Variants in AGBL4 observed in about 807,000 individuals in gnomAD.
AGBL4 encodes the protein cytosolic carboxypeptidase 6.
AGBL4 carries 58 observed loss-of-function variants against 66.4 expected under a neutral mutation model. That is an observed-to-expected ratio of 0.87 (90% CI 0.71 to 1.09). The LOEUF (loss-of-function observed/expected upper bound fraction) is 1.09, where lower values mean the gene tolerates loss of function less well. AGBL4 is among the 50% of genes least tolerant of loss of function. The probability of loss-of-function intolerance (pLI) is 0.00; values close to 1 mark genes in which losing one functional copy is unlikely to be tolerated. For synonymous variants in AGBL4, 234 were observed against 222.9 expected, an observed-to-expected ratio of 1.05 and a Z score of -0.44; for missense variants, 579 against 631.0, an observed-to-expected ratio of 0.92 and a Z score of 0.88.
At chr1:49,305,931 C>G (rs1644841878) in intron 3 of AGBL4, among the ~76,000 whole-genome samples, 1 of 152,154 alleles carries the variant, frequency 6.6e-6, no homozygotes, top group South Asian at 2.1e-4. Context: ...CTCAGGTGAT[C>G]CGCCCACCTT....
intron 7 of AGBL4, among the ~76,000 whole-genome samples, chr1:48,657,535 T>C (rs1646039572): frequency 6.6e-6 from 1 of 152,168 alleles, no homozygotes; most frequent in African/African-American, 2.4e-5. Flanking sequence ...GGTGCAGGCA[T>C]AGCAGAGAGA....
chr1:49,864,842 G>A (rs1646663046), intron 1 of AGBL4, among the ~76,000 whole-genome samples: 1 of 152,268 alleles, frequency 6.6e-6, no homozygotes, highest in Admixed American at 6.5e-5. Context: ...GCTGCCTGCT[G>A]CCTAGGATGA....
At chr1:49,593,858 G>GA (rs1644801165) in intron 3 of AGBL4, among the ~76,000 whole-genome samples, 1 of 151,688 alleles carries the variant, frequency 6.6e-6, no homozygotes, top group Non-Finnish European at 1.5e-5. Context: ...CATGTTCGGT[G>GA]AAAAAAAGCA....
intron 4 of AGBL4, 92 bp downstream of exon 4, chr1:49,245,678 T>A: frequency 2.4e-6 from 2 of 838,410 alleles, no homozygotes; most frequent in Admixed American, 2.9e-5. Context: ...ATTTTTAATT[T>A]TTTTTGGGGG....
intron 3 of AGBL4, among the ~76,000 whole-genome samples, chr1:49,270,594 C>G (rs1357406260): frequency 6.6e-6 from 1 of 152,138 alleles, no homozygotes; most frequent in Admixed American, 6.6e-5. Context: ...CTGTCTGTGA[C>G]AAGATCCTTT....
intron 1 of AGBL4, among the ~76,000 whole-genome samples, chr1:49,904,834 A>C (rs140591683): frequency 2.0e-4 from 31 of 152,336 alleles, no homozygotes; most frequent in African/African-American, 5.5e-4. Context: ...GGCAGAAGAC[A>C]AGCATGGCTG....
intron 2 of AGBL4, among the ~76,000 whole-genome samples, chr1:49,736,211 G>A (rs1649879188): frequency 6.6e-6 from 1 of 151,806 alleles, no homozygotes; most frequent in South Asian, 2.1e-4. Context: ...AATAAACTTA[G>A]AGATCCTTAG....
intron 2 of AGBL4, chr1:49,842,297 T>C: frequency 2.1e-6 from 1 of 477,508 alleles, no homozygotes; most frequent in African/African-American, 2.1e-5. Flanking sequence ...TGTAGGACAT[T>C]GGTTACCAAA....
chr1:48,739,207 G>A (rs1649532455), intron 6 of AGBL4, among the ~76,000 whole-genome samples: 3 of 152,204 alleles, frequency 2.0e-5, no homozygotes, highest in Non-Finnish European at 4.4e-5. Context: ...CCACCGACTG[G>A]CCTTTGCCTC....
At chr1:48,813,470 T>C (rs1237222786) in intron 6 of AGBL4, among the ~76,000 whole-genome samples, 1 of 152,100 alleles carries the variant, frequency 6.6e-6, no homozygotes, top group African/African-American at 2.4e-5. Flanking sequence ...GGACTCTTGG[T>C]TGAGGTTCAA....
intron 6 of AGBL4, among the ~76,000 whole-genome samples, chr1:48,723,528 G>A (rs1002899670): frequency 1.3e-5 from 2 of 152,166 alleles, no homozygotes; most frequent in African/African-American, 4.8e-5. Context: ...TCTATTTGCA[G>A]ACATACAGGC....
chr1:49,116,348 T>C (rs1261526519), intron 4 of AGBL4, among the ~76,000 whole-genome samples: 2 of 152,192 alleles, frequency 1.3e-5, no homozygotes, highest in African/African-American at 4.8e-5. Flanking sequence ...TACATATTTC[T>C]TCTAATGCTA....
At chr1:48,601,297 G>C (rs1333165154) in intron 9 of AGBL4, among the ~76,000 whole-genome samples, 1 of 152,178 alleles carries the variant, frequency 6.6e-6, no homozygotes, top group African/African-American at 2.4e-5. Flanking sequence ...TTCACACACT[G>C]TCATAGAGGT....
At chr1:49,855,440 G>T (rs1051544454) in intron 1 of AGBL4, among the ~76,000 whole-genome samples, 1 of 152,126 alleles carries the variant, frequency 6.6e-6, no homozygotes, top group Non-Finnish European at 1.5e-5. Flanking sequence ...TCCAAAAGCT[G>T]CAGAATACAC....
At chr1:48,562,162 C>T (rs969245847) in intron 11 of AGBL4, among the ~76,000 whole-genome samples, 1 of 152,168 alleles carries the variant, frequency 6.6e-6, no homozygotes, top group African/African-American at 2.4e-5. Context: ...GATGTCAAGT[C>T]TCCTCAACCA....
chr1:49,390,103 A>T (rs1260563720), intron 3 of AGBL4, among the ~76,000 whole-genome samples: 1 of 152,202 alleles, frequency 6.6e-6, no homozygotes, highest in Non-Finnish European at 1.5e-5. Context: ...AAGAAAAAAA[A>T]ATAATGATTA....
chr1:48,662,592 A>G (rs973060641), intron 7 of AGBL4, among the ~76,000 whole-genome samples: 4 of 152,248 alleles, frequency 2.6e-5, no homozygotes, highest in Non-Finnish European at 5.9e-5. Flanking sequence ...ATATGTAATA[A>G]TAAGTAAAAG....
intron 6 of AGBL4, among the ~76,000 whole-genome samples, chr1:48,857,477 T>C (rs1647203095): frequency 6.6e-6 from 1 of 151,988 alleles, no homozygotes; most frequent in Non-Finnish European, 1.5e-5. Flanking sequence ...AATCCCAGCA[T>C]TTGGGAGGCT....
At chr1:49,204,508 G>A (rs973426222) in intron 4 of AGBL4, among the ~76,000 whole-genome samples, 1 of 152,048 alleles carries the variant, frequency 6.6e-6, no homozygotes, top group Non-Finnish European at 1.5e-5. Context: ...TAAAACTCCT[G>A]GCCTGAAGTG....
Sources: allele counts gnomAD v4.1 joint callset (sites outside exome capture counted in the v4.1 genomes callset), GRCh38; gene constraint gnomAD v4.1.1; transcripts MANE v1.5; gene names NCBI Gene and HGNC (gene_info 2026-07-23, HGNC 2026-07-21).